Variants in HS3ST5 observed in about 807,000 individuals in gnomAD.
The protein encoded by HS3ST5 is heparan sulfate glucosamine 3-O-sulfotransferase 5.
HS3ST5 carries 10 observed loss-of-function variants against 25.4 expected under a neutral mutation model. The ratio of observed to expected loss-of-function variants is 0.39; its 90% CI spans 0.24 to 0.67. HS3ST5 has a LOEUF of 0.67. Ranked by LOEUF, HS3ST5 falls within the 30% of genes least tolerant of loss-of-function variation. HS3ST5 has a pLI of 0.44. For missense variants in HS3ST5, 324 were observed against 420.7 expected (o/e 0.77, Z 2.01); for synonymous variants, 170 against 162.4 (o/e 1.05, Z -0.36).
At chr6:114,244,145 G>C (rs928108534) in intron 1 of HS3ST5, among the ~76,000 whole-genome samples, 1 of 152,176 alleles carries the variant, frequency 6.6e-6, no homozygotes, top group Non-Finnish European at 1.5e-5. Context: ...CGTTTCTGCA[G>C]GTTTTGCTAT....
At chr6:114,272,673 G>A (rs1773686214) in intron 1 of HS3ST5, among the ~76,000 whole-genome samples, 2 of 152,166 alleles carry the variant, frequency 1.3e-5, no homozygotes, top group Middle Eastern at 6.8e-3. Context: ...ATCCACGTGG[G>A]ACCTCCACAA....
intron 1 of HS3ST5, among the ~76,000 whole-genome samples, chr6:114,270,646 G>A (rs975295463): frequency 2.0e-5 from 3 of 152,082 alleles, no homozygotes; most frequent in African/African-American, 4.8e-5. Flanking sequence ...CGTGAACTTG[G>A]GTAGCACACT....
chr6:114,188,061 A>C (rs1446348984), intron 2 of HS3ST5, among the ~76,000 whole-genome samples: 1 of 152,198 alleles, frequency 6.6e-6, no homozygotes, highest in Non-Finnish European at 1.5e-5. Context: ...CTGGAAAGCC[A>C]AAAAAATTCA....
rs572214474 is a variant in HS3ST5 at position 114,057,716 on chromosome 6, A to G, written c.582T>C (p.Thr194=). The change falls in exon 5 of 5, where the codon ACT becomes ACC. Residue 194 remains threonine (T), a synonymous_variant. Coordinates refer to ENST00000312719, the MANE Select transcript of HS3ST5 (RefSeq NM_153612.4). The part of the protein sequence containing the change: ...EPTTRAISDY[T]QVLEGKERKN... The stretch of plus-strand genomic sequence containing the variant: ...TCCTCTCCTTCCCCTCTAGCACCTG[A>G]GTATAATCAGAAATAGCTCTTGTGG... 2 of 1,614,168 alleles carry G rather than the reference A, an allele frequency of 1.2e-6. No individual in the cohort carries two copies. Among genetic ancestry groups the G allele is most frequent in the Admixed American group, 3.3e-5 (2 of 60,018 alleles).
chr6:114,265,534 A>C (rs1055137698), intron 1 of HS3ST5, among the ~76,000 whole-genome samples: 4 of 152,166 alleles, frequency 2.6e-5, no homozygotes, highest in Non-Finnish European at 4.4e-5. Context: ...GATGGCAATA[A>C]TCCAGTCAAA....
At chr6:114,143,486 C>T (rs1186129151) in intron 3 of HS3ST5, 1 of 152,132 alleles carries the variant, frequency 6.6e-6, no homozygotes, top group Non-Finnish European at 1.5e-5. Flanking sequence ...AGTATCATTA[C>T]TATTCCAATA....
intron 3 of HS3ST5, among the ~76,000 whole-genome samples, chr6:114,134,995 AGGTGGAGAGAGACATGG>A (rs2114917523): frequency 6.6e-6 from 1 of 152,338 alleles, no homozygotes; most frequent in African/African-American, 2.4e-5. Flanking sequence ...CCAGGGGAGC[AGGTGGAGAGAGACATGG>A]GTGAACTTGG....
At chr6:114,318,105 G>A (rs1462397329) in intron 1 of HS3ST5, among the ~76,000 whole-genome samples, 11 of 152,054 alleles carry the variant, frequency 7.2e-5, no homozygotes, top group Non-Finnish European at 1.2e-4. Context: ...GACCTGCCAA[G>A]GCTTATTAAT....
intron 3 of HS3ST5, among the ~76,000 whole-genome samples, chr6:114,095,940 A>G (rs1393754495): frequency 6.6e-6 from 1 of 152,160 alleles, no homozygotes; most frequent in Admixed American, 6.6e-5. Context: ...AATCATTTAC[A>G]GTATAGTTCC....
intron 3 of HS3ST5, among the ~76,000 whole-genome samples, chr6:114,093,353 T>TTGTTTG (rs1161733976): frequency 3.0e-5 from 4 of 134,330 alleles, no homozygotes; most frequent in South Asian, 4.9e-4. Context: ...GTTTGTTTGT[T>TTGTTTG]TGTGTGTGTG....
intron 4 of HS3ST5, among the ~76,000 whole-genome samples, chr6:114,059,985 T>C (rs1773004023): frequency 6.6e-6 from 1 of 151,226 alleles, no homozygotes; most frequent in Admixed American, 6.6e-5. Context: ...CTCATGCTCA[T>C]TGTGGAAAGT....
chr6:114,137,941 T>C (rs752668761), intron 3 of HS3ST5, among the ~76,000 whole-genome samples: 7 of 152,100 alleles, frequency 4.6e-5, no homozygotes, highest in Non-Finnish European at 8.8e-5. Context: ...CTTATAAGTA[T>C]AATAAAAAGA....
intron 1 of HS3ST5, among the ~76,000 whole-genome samples, chr6:114,272,804 A>C (rs1263284298): frequency 2.0e-5 from 3 of 152,128 alleles, no homozygotes; most frequent in African/African-American, 7.2e-5. Flanking sequence ...TAACAGAGGG[A>C]AGAAAATGCC....
intron 1 of HS3ST5, chr6:114,230,370 A>C (rs1771524506): frequency 6.6e-6 from 1 of 152,006 alleles, no homozygotes; most frequent in Non-Finnish European, 1.5e-5. Flanking sequence ...GTTTCACCTC[A>C]AAGTTCATTA....
chr6:114,236,312 C>T (rs1190575534), intron 1 of HS3ST5, among the ~76,000 whole-genome samples: 1 of 152,184 alleles, frequency 6.6e-6, no homozygotes, highest in Admixed American at 6.5e-5. Flanking sequence ...TACATAGGTA[C>T]ACTCAGGTCA....
intron 2 of HS3ST5, among the ~76,000 whole-genome samples, chr6:114,183,927 A>C (rs1406142932): frequency 1.3e-5 from 2 of 152,194 alleles, no homozygotes; most frequent in Admixed American, 1.3e-4. Flanking sequence ...GCTTTGTTGT[A>C]AAGCAGCAAA....
chr6:114,254,799 A>G (rs1772829408), intron 1 of HS3ST5, among the ~76,000 whole-genome samples: 1 of 152,160 alleles, frequency 6.6e-6, no homozygotes, highest in Admixed American at 6.5e-5. Context: ...CGAGAACAGT[A>G]TGAGGGAAAT....
chr6:114,284,396 T>G (rs1323778219), intron 1 of HS3ST5, among the ~76,000 whole-genome samples: 1 of 151,984 alleles, frequency 6.6e-6, no homozygotes, highest in Non-Finnish European at 1.5e-5. Flanking sequence ...TTCCTTTTCA[T>G]GGTGAGAAAC....
chr6:114,201,300 C>T (rs1376841763), intron 2 of HS3ST5, among the ~76,000 whole-genome samples: 6 of 152,152 alleles, frequency 3.9e-5, no homozygotes, highest in African/African-American at 1.4e-4. Flanking sequence ...GTAAAGAAAT[C>T]TTGCTGGGTC....
Sources: allele counts gnomAD v4.1 joint callset (sites outside exome capture counted in the v4.1 genomes callset), GRCh38; gene constraint gnomAD v4.1.1; transcripts MANE v1.5; gene names NCBI Gene and HGNC (gene_info 2026-07-23, HGNC 2026-07-21).